The following GPR158 variants were observed in gnomAD, a reference collection of about 807,000 sequenced individuals.
GPR158 encodes metabotropic glycine receptor.
Under a neutral mutation model 78.2 loss-of-function variants are expected in GPR158, and 30 were observed. The observed-to-expected ratio is 0.38, with a 90% confidence interval of 0.29 to 0.52. GPR158 has a LOEUF of 0.52. Ranked by LOEUF, GPR158 falls within the 20% of genes least tolerant of loss-of-function variation. The probability of loss-of-function intolerance (pLI) is 0.83; values close to 1 mark genes in which losing one functional copy is unlikely to be tolerated. For missense variants in GPR158, 1,463 were observed against 1,523.5 expected (o/e 0.96, Z 0.66); for synonymous variants, 581 against 591.1 (o/e 0.98, Z 0.25).
chr10:25,344,632 A>G (rs1855348288), intron 2 of GPR158, among the ~76,000 whole-genome samples: 1 of 152,050 alleles, frequency 6.6e-6, no homozygotes, highest in Non-Finnish European at 1.5e-5. Flanking sequence ...CATTTGCACC[A>G]TGATGAAGCC....
At chr10:25,583,080 C>A (rs536025574) in intron 7 of GPR158, among the ~76,000 whole-genome samples, 59 of 152,320 alleles carry the variant, frequency 3.9e-4, no homozygotes, top group African/African-American at 1.3e-3. Flanking sequence ...AGGGCGAGTG[C>A]AGCTGGAGAA....
intron 2 of GPR158, among the ~76,000 whole-genome samples, chr10:25,309,290 A>C (rs946980338): frequency 2.0e-5 from 3 of 151,782 alleles, no homozygotes; most frequent in African/African-American, 7.3e-5. Flanking sequence ...TTTTATTTGC[A>C]CTTTCCTAAT....
chr10:25,433,536 G>GTGTGTGTGTGTGTGTGTGT (rs150589257), intron 4 of GPR158, among the ~76,000 whole-genome samples: 1,369 of 131,872 alleles, frequency 0.01, 29 homozygotes, highest in African/African-American at 0.03. Context: ...TTAGGGGTGT[G>GTGTGTGTGTGTGTGTGTGT]TGTGTGTGTG....
intron 7 of GPR158, among the ~76,000 whole-genome samples, chr10:25,576,115 T>C (rs918935900): frequency 2.0e-5 from 3 of 152,170 alleles, no homozygotes; most frequent in Non-Finnish European, 2.9e-5. Flanking sequence ...GGATGAATTG[T>C]ATACTGGTGA....
chr10:25,322,627 A>T (rs1813668006), intron 2 of GPR158, among the ~76,000 whole-genome samples: 1 of 152,220 alleles, frequency 6.6e-6, no homozygotes, highest in South Asian at 2.1e-4. Flanking sequence ...GATTCATAAG[A>T]GGAATCATTA....
rs1385416010 is a variant in GPR158 at position 25,601,303 on chromosome 10, A to C, written c.*2029A>C. On this transcript the variant is annotated 3_prime_UTR_variant, in exon 11 of 11. Transcript: ENST00000376351. Reference sequence around the variant, plus strand: ...TCAGGTTGGTGGGGTCGGTTTGAGAAGATATAGAAATTCTATTTTTGTGTC... The same window carrying C: ...TCAGGTTGGTGGGGTCGGTTTGAGACGATATAGAAATTCTATTTTTGTGTC... 2.6e-5 allele frequency: 4 copies of C among 152,650 alleles called. No homozygotes were observed. Among genetic ancestry groups the C allele is most frequent in the Admixed American group, 6.5e-5 (1 of 15,278 alleles). The allele number at this position is 152,650 out of a possible 1,614,324, so 9.5% of individuals were successfully genotyped here. A position where few individuals can be genotyped will look rare whatever the true frequency, so the allele number is the denominator to read the frequency against.
intron 5 of GPR158, among the ~76,000 whole-genome samples, chr10:25,513,168 A>AT (rs571813298): frequency 0.06 from 8,434 of 141,522 alleles, 302 homozygotes; most frequent in African/African-American, 0.11. Flanking sequence ...CTGGTCCTGG[A>AT]TTTTTTTTTT....
chr10:25,338,480 A>ATACGTATAT (rs1855250758), intron 2 of GPR158, among the ~76,000 whole-genome samples: 1 of 133,702 alleles, frequency 7.5e-6, no homozygotes, highest in African/African-American at 3.0e-5. Flanking sequence ...TATACGTATA[A>ATACGTATAT]TATACGTATA....
At chr10:25,239,190 T>G (rs1272952188) in intron 2 of GPR158, among the ~76,000 whole-genome samples, 1 of 152,138 alleles carries the variant, frequency 6.6e-6, no homozygotes, top group African/African-American at 2.4e-5. Context: ...TGACTTGTCT[T>G]TAAATTGGAT....
chr10:25,254,277 T>G (rs1408343150), intron 2 of GPR158, among the ~76,000 whole-genome samples: 5 of 152,290 alleles, frequency 3.3e-5, no homozygotes, highest in Admixed American at 6.5e-5. Context: ...ATAAAAGTGT[T>G]TTTTCTTCAT....
intron 2 of GPR158, among the ~76,000 whole-genome samples, chr10:25,376,797 C>T (rs927641472): frequency 5.9e-5 from 9 of 151,796 alleles, no homozygotes; most frequent in Admixed American, 5.9e-4. Flanking sequence ...TTTCTTTCTG[C>T]ACTTTCAGTC....
At chr10:25,574,690 G>A (rs189357225) in intron 7 of GPR158, among the ~76,000 whole-genome samples, 86 of 152,220 alleles carry the variant, frequency 5.6e-4, no homozygotes, top group African/African-American at 2.0e-3. Context: ...TTTGAGACCA[G>A]CCTGACCAAC....
At chr10:25,576,292 T>G (rs1282693757) in intron 7 of GPR158, among the ~76,000 whole-genome samples, 1 of 152,160 alleles carries the variant, frequency 6.6e-6, no homozygotes, top group East Asian at 1.9e-4. Context: ...AATGACGATG[T>G]ACGGGATTCG....
At chr10:25,226,825 T>C (rs1853378810) in intron 2 of GPR158, among the ~76,000 whole-genome samples, 1 of 152,214 alleles carries the variant, frequency 6.6e-6, no homozygotes, top group South Asian at 2.1e-4. Flanking sequence ...TGCATGGCCA[T>C]CGCTTTTGAC....
At chr10:25,461,415 T>C (rs892802659) in intron 4 of GPR158, among the ~76,000 whole-genome samples, 65 of 152,162 alleles carry the variant, frequency 4.3e-4, no homozygotes, top group African/African-American at 1.5e-3. Context: ...ATTAAACCAG[T>C]CACAACACTG....
intron 1 of GPR158, among the ~76,000 whole-genome samples, chr10:25,184,460 A>T (rs55930029): frequency 0.022 from 3,276 of 152,314 alleles, 121 homozygotes; most frequent in African/African-American, 0.075. Flanking sequence ...CTGTATATAA[A>T]TTAGATTGTT....
chr10:25,574,146 CAAAAAAAAAAAA>C (rs34285790), intron 7 of GPR158, among the ~76,000 whole-genome samples: 2 of 62,318 alleles, frequency 3.2e-5, no homozygotes, highest in Non-Finnish European at 5.6e-5. Context: ...TTCTGTTTTA[CAAAAAAAAAAAA>C]AAAAAAAAAA....
In GPR158 at chr10:25,217,641, G is replaced by C. The variant is rs563779040; in HGVS notation, c.903-3411G>C. Among the ~76,000 whole-genome samples the C allele has an allele frequency of 4.6e-5, 7 of 152,274 alleles. No homozygotes were observed. The East Asian group carries it at 1.4e-3, about 29-fold the overall frequency. Reference sequence around the variant, plus strand: ...CATGCATATGGAAGAGAAGAGTCAAGATACAAGAAGCACAAAGGGAGTCCA... The same window carrying C: ...CATGCATATGGAAGAGAAGAGTCAACATACAAGAAGCACAAAGGGAGTCCA... On this transcript the variant is annotated intron_variant, in intron 1 of 10. Coordinates refer to ENST00000376351, the MANE Select transcript of GPR158 (RefSeq NM_020752.3).
intron 2 of GPR158, among the ~76,000 whole-genome samples, chr10:25,355,450 C>T (rs1169742604): frequency 6.6e-6 from 1 of 152,050 alleles, no homozygotes; most frequent in African/African-American, 2.4e-5. Context: ...CTGGAGATCA[C>T]AGAGTTTCTT....
Sources: gnomAD v4.1 joint callset for allele counts (sites outside exome capture counted in the v4.1 genomes callset) on GRCh38, gnomAD v4.1.1 for gene constraint, MANE v1.5 for transcripts, NCBI Gene and HGNC (gene_info 2026-07-23, HGNC 2026-07-21) for gene names.